OSBPL7: variants seen among roughly 807,000 people sequenced by gnomAD.
OSBPL7 encodes the protein oxysterol-binding protein-related protein 7.
A neutral mutation model predicts 115.8 loss-of-function variants in OSBPL7; 66 were observed. The observed-to-expected ratio is 0.57, with a 90% CI of 0.47 to 0.70. The LOEUF is 0.70. Among genes scored for constraint, OSBPL7 ranks in the 30% least tolerant of loss-of-function variants. OSBPL7 has a pLI of 0.00. For missense variants in OSBPL7, 902 were observed against 1,125.5 expected (o/e 0.80, Z 2.84); for synonymous variants, 441 against 439.2 (o/e 1.00, Z -0.05).
intron 3 of OSBPL7, 32 bp from the exon 4 acceptor site, chr17:47,819,814 G>A: frequency 6.2e-7 from 1 of 1,614,024 alleles, no homozygotes; most frequent in Non-Finnish European, 8.5e-7. Flanking sequence ...ACAGGACCCG[G>A]GAGGCCGAGA....
intron 16 of OSBPL7, among the ~76,000 whole-genome samples, chr17:47,812,995 AG>A: frequency 6.6e-6 from 1 of 152,214 alleles, no homozygotes; most frequent in East Asian, 1.9e-4. Context: ...CATTCTCCCC[AG>A]CCCCTGTACT....
In OSBPL7 at chr17:47,818,565, G is replaced by C; in HGVS notation, c.421C>G (p.Arg141Gly). The C allele has an allele frequency of 3.7e-6, 6 of 1,612,490 alleles. No individual in the cohort carries two copies. Among genetic ancestry groups the C allele is most frequent in the Non-Finnish European group, 3.4e-6 (4 of 1,179,342 alleles). Residue 141 changes from arginine to glycine, a missense_variant, in exon 6 of 23, where the codon CGC becomes GGC. Physicochemically the swap from Arg to Gly is moderately radical, Grantham distance 125. Around this residue, in one of 3 missense-constraint regions of OSBPL7, gnomAD observed 667 missense variants for 788.7 expected, o/e 0.85. Coordinates refer to ENST00000007414, the MANE Select transcript of OSBPL7 (RefSeq NM_145798.3). ...QSWVAQLRAHRLAHRLDMPRG... is the reference protein window; with the variant it reads ...QSWVAQLRAHGLAHRLDMPRG... ...GGCATGTCCAGGCGGTGGGCTAGGC[G>C]GTGGGCACGCAGCTGCGCCACCCAG...
intron 14 of OSBPL7, 93 bp from the exon 15 acceptor site, chr17:47,813,927 C>G (rs747435461): frequency 1.4e-6 from 2 of 1,459,912 alleles, no homozygotes; most frequent in Non-Finnish European, 1.8e-6. Flanking sequence ...AGCTGCCTCC[C>G]AAGCCCCTGG....
intron 3 of OSBPL7, 82 bp from the exon 4 acceptor site, chr17:47,819,864 T>C: frequency 1.9e-6 from 3 of 1,609,526 alleles, no homozygotes; most frequent in Admixed American, 3.3e-5. Context: ...CAAATTAGCT[T>C]TTCTTTTCCT....
chr17:47,808,560 C>CGAT lies in OSBPL7; in HGVS notation c.2395_2397dup (p.Ile799dup). On this transcript the variant is annotated inframe_insertion, in exon 22 of 23. Coordinates refer to ENST00000007414, the MANE Select transcript of OSBPL7 (RefSeq NM_145798.3). This position sits in a 1 kb window ranked among gnomAD's most constrained non-coding sequence, Gnocchi z 6.1. ...CACCTGAAGAAGCGAGCCTGGTGTA[C>CGAT]GATGTTGTTTTCCTCCATGACTTTG... 1 of 1,614,206 alleles carries CGAT rather than the reference C, an allele frequency of 6.2e-7. No homozygotes were observed. Among genetic ancestry groups the CGAT allele is most frequent in the African/African-American group, 1.3e-5 (1 of 75,054 alleles).
Position 47,818,566 on chromosome 17 carries a change from G to A in OSBPL7, c.420C>T (p.His140=), listed in dbSNP as rs1344458808. Residue 140 remains histidine, a synonymous_variant, in exon 6 of 23, where the codon CAC becomes CAT. Coordinates refer to ENST00000007414, the MANE Select transcript of OSBPL7 (RefSeq NM_145798.3). ...GCATGTCCAGGCGGTGGGCTAGGCG[G>A]TGGGCACGCAGCTGCGCCACCCAGC... ...FQSWVAQLRA[H]RLAHRLDMPR... 3 of 1,612,540 alleles carry A rather than the reference G, an allele frequency of 1.9e-6. No individual in the cohort carries two copies. The highest frequency in any genetic ancestry group is 2.5e-6 in the Non-Finnish European group (3 of 1,179,356).
At chr17:47,814,440 T>C in intron 14 of OSBPL7, 81 bp downstream of exon 14, 1 of 1,368,744 alleles carries the variant, frequency 7.3e-7, no homozygotes. Context: ...AGGGATGGCC[T>C]TTGCATGGGC....
intron 18 of OSBPL7, among the ~76,000 whole-genome samples, chr17:47,809,948 T>C (rs576150257): frequency 5.4e-5 from 8 of 149,314 alleles, no homozygotes; most frequent in Middle Eastern, 7.0e-3. Context: ...CTTGCTCTGT[T>C]GCCCAGGCAG....
rs2033248510 is a variant in OSBPL7, at chr17:47,817,175, G to A, written c.702+81C>T. The A allele has an allele frequency of 4.4e-6, 5 of 1,138,954 alleles. No individual in the cohort carries two copies. In the South Asian group the frequency reaches 5.7e-5, roughly 13 times the overall value. The allele number at this position is 1,138,954 out of a possible 1,614,324, so 70.6% of individuals were successfully genotyped here. A position where few individuals can be genotyped will look rare whatever the true frequency, so the allele number is the denominator to read the frequency against. On this transcript the variant is annotated intron_variant, in intron 8 of 22. Coordinates refer to ENST00000007414, the MANE Select transcript of OSBPL7 (RefSeq NM_145798.3). ...TGGCTCTCCAGGAAACTGCAGCGATGTAGGAGGAATAGGACCCATCCTGGG... is the reference window on the plus strand; with the variant it reads ...TGGCTCTCCAGGAAACTGCAGCGATATAGGAGGAATAGGACCCATCCTGGG...
Position 47,813,786 on chromosome 17 carries a change from AG to A in OSBPL7, c.1399del (p.Leu467CysfsTer11), listed in dbSNP as rs1309106109. 6.2e-7 allele frequency: 1 copy of A among 1,612,622 alleles called. No homozygotes were observed. The highest frequency in any genetic ancestry group is 1.3e-5 in the African/African-American group (1 of 74,904). On this transcript the variant is annotated frameshift_variant, in exon 15 of 23. Transcript: ENST00000007414. LOFTEE classifies it high-confidence loss of function. ...RPMGPPRRRCLPAASGPGADV... is the reference protein window; with the variant it reads ...RPMGPPRRRCXPAASGPGADV... ...AGCCCCAGGCCCGCTGGCCGCCGGC[AG>A]GCAGCGACGGCGGGGTGGCCCCATG... is the stretch of plus-strand genomic sequence containing the variant.
In OSBPL7 at chr17:47,809,860, CAA is replaced by C. The variant is rs1409852423; in HGVS notation, c.1881-384_1881-383del. 2.6e-5 allele frequency among the ~76,000 whole-genome samples: 4 copies of C among 151,844 alleles called. No individual in the cohort carries two copies. In the East Asian group the frequency reaches 7.7e-4, roughly 29 times the overall value. ...AAGCAGGCTCAAGGCTCTGAAGTGTCAAGTCTTTTTGCTGCTTGCATCACTAT... is the reference window on the plus strand; with the variant it reads ...AAGCAGGCTCAAGGCTCTGAAGTGTCGTCTTTTTGCTGCTTGCATCACTAT... On this transcript the variant is annotated intron_variant, in intron 18 of 22. Transcript: ENST00000007414.
rs2033009742 is a variant in OSBPL7 at position 47,810,608 on chromosome 17, G to A, written c.1866C>T (p.Asn622=). 5.0e-6 allele frequency: 8 copies of A among 1,613,946 alleles called. No homozygotes were observed. The highest frequency in any genetic ancestry group is 1.1e-5 in the South Asian group (1 of 91,080). The change falls in exon 18 of 23, where the codon AAC becomes AAT. Residue 622 remains asparagine, a synonymous_variant. Transcript: ENST00000007414. The part of the protein sequence containing the change: ...SLEIVPVGTV[N]VSLPRFGDHF... ...AAGAATCCCACCTGGGCAGGCTGAC[G>A]TTGACTGTTCCCACAGGCACAATCT...
intron 18 of OSBPL7, 68 bp from the exon 19 acceptor site, chr17:47,809,546 G>A (rs2032970960): frequency 6.4e-7 from 1 of 1,559,970 alleles, no homozygotes; most frequent in South Asian, 1.2e-5. Flanking sequence ...GGGGCCTCCT[G>A]TCTTGCTGAA....
intron 17 of OSBPL7, 30 bp from the exon 18 acceptor site, chr17:47,810,702 A>G: frequency 6.2e-7 from 1 of 1,613,136 alleles, no homozygotes; most frequent in Non-Finnish European, 8.5e-7. Context: ...GGGAGAGTGA[A>G]CAACAGAGAT....
rs1457958033 is a variant in OSBPL7, at chr17:47,810,785, G to A, written c.1788C>T (p.Phe596=). 5 of 1,613,930 alleles carry A rather than the reference G, an allele frequency of 3.1e-6. No homozygotes were observed. The highest frequency in any genetic ancestry group is 1.7e-5 in the Admixed American group (1 of 60,000). The change falls in exon 17 of 23, where the codon TTC becomes TTT. Residue 596 remains phenylalanine (F), a synonymous_variant. Coordinates refer to ENST00000007414, the MANE Select transcript of OSBPL7 (RefSeq NM_145798.3). ...ISACHAESEN[F]AFWQDMKWKN... ...TCTACTCCTCACCTTGCCAGAAGGC[G>A]AAGTTCTCAGACTCTGCATGGCAGG... is the stretch of plus-strand genomic sequence containing the variant.
chr17:47,813,925 C>T, intron 14 of OSBPL7, 91 bp from the exon 15 acceptor site: 2 of 1,462,822 alleles, frequency 1.4e-6, no homozygotes, highest in Non-Finnish European at 1.8e-6. Flanking sequence ...CCAGCTGCCT[C>T]CCAAGCCCCT....
chr17:47,818,092 C>T (rs1243278090), intron 7 of OSBPL7, among the ~76,000 whole-genome samples, 177 bp downstream of exon 7: 1 of 152,214 alleles, frequency 6.6e-6, no homozygotes, highest in Non-Finnish European at 1.5e-5. Context: ...GACTCTTACT[C>T]CTCTGTAAGA....
intron 16 of OSBPL7, among the ~76,000 whole-genome samples, chr17:47,812,160 T>A (rs2033063120): frequency 6.6e-6 from 1 of 152,196 alleles, no homozygotes; most frequent in Non-Finnish European, 1.5e-5. Flanking sequence ...CTCTATTTTT[T>A]CATAAAACCT....
intron 16 of OSBPL7, among the ~76,000 whole-genome samples, chr17:47,812,273 AC>A (rs1481520333): frequency 1.3e-5 from 2 of 151,744 alleles, no homozygotes; most frequent in African/African-American, 2.4e-5. Flanking sequence ...GGGACCCGCG[AC>A]CCCTCCCCTT....
Sources: allele counts gnomAD v4.1 joint callset (sites outside exome capture counted in the v4.1 genomes callset), GRCh38; gene constraint gnomAD v4.1.1; regional missense constraint gnomAD v4.1.1; non-coding constraint Gnocchi (gnomAD v3.1); transcripts MANE v1.5; gene names NCBI Gene and HGNC (gene_info 2026-07-23, HGNC 2026-07-21).